LRRC53: variants seen among roughly 807,000 people sequenced by gnomAD.
The protein encoded by LRRC53 is leucine-rich repeat-containing protein 53.
LRRC53 carries 25 observed loss-of-function variants against 13.6 expected under a neutral mutation model. The observed-to-expected ratio is 1.83, with a 90% confidence interval of 1.34 to 2.56. The LOEUF (loss-of-function observed/expected upper bound fraction) is 2.56, where lower values mean the gene tolerates loss of function less well. LRRC53 is among the 30% of genes most tolerant of loss of function. The pLI, the probability that LRRC53 is intolerant of heterozygous loss-of-function variation, is 0.00. For missense variants in LRRC53, 527 were observed against 275.8 expected (o/e 1.91, Z -6.45); for synonymous variants, 204 against 109.8 (o/e 1.86, Z -5.37).
In LRRC53 at chr1:74,472,289, T is replaced by C. The variant is rs1047080955; in HGVS notation, c.1421-88A>G. On this transcript the variant is annotated intron_variant, in intron 4 of 4. Coordinates refer to ENST00000294635, the MANE Select transcript of LRRC53 (RefSeq NM_001382280.1). The stretch of plus-strand genomic sequence containing the variant: ...ATGCGTAGAAACCTTATGAAAAGTA[T>C]AAAACTGACTCCTCTGATAATTGCA... 3 of 649,250 alleles carry C rather than the reference T, an allele frequency of 4.6e-6. No individual in the cohort carries two copies. In the African/African-American group the frequency reaches 5.5e-5, roughly 12 times the overall value. 40.2% of individuals were successfully genotyped at this position (649,250 alleles called of 1,614,324 possible). A position where few individuals can be genotyped will look rare whatever the true frequency, so the allele number is the denominator to read the frequency against.
chr1:74,496,464 T>G (rs919355492), intron 1 of LRRC53, among the ~76,000 whole-genome samples: 1 of 152,192 alleles, frequency 6.6e-6, no homozygotes, highest in East Asian at 1.9e-4. Flanking sequence ...TCCCTACTAA[T>G]GTATGGATGT....
chr1:74,526,796 G>T, the LRRC53 span, among the ~76,000 whole-genome samples: 1 of 152,162 alleles, frequency 6.6e-6, no homozygotes, highest in East Asian at 1.9e-4. Flanking sequence ...AGAGCAACAC[G>T]TATAGGACTT....
chr1:74,495,041 C>T (rs142190705), intron 1 of LRRC53, among the ~76,000 whole-genome samples: 6 of 152,306 alleles, frequency 3.9e-5, no homozygotes, highest in Non-Finnish European at 7.4e-5. Flanking sequence ...TTTCAAAAAA[C>T]CTACATGCTG....
At chr1:74,503,524 A>C (rs185289312) in intron 1 of LRRC53, among the ~76,000 whole-genome samples, 149 of 152,234 alleles carry the variant, frequency 9.8e-4, no homozygotes, top group African/African-American at 3.3e-3. Context: ...AGTTCTATGG[A>C]TCTTGTATGT....
At chr1:74,513,385 T>G (rs1646295575), upstream of LRRC53, among the ~76,000 whole-genome samples, 1 of 152,006 alleles carries the variant, frequency 6.6e-6, no homozygotes, top group African/African-American at 2.4e-5. Flanking sequence ...GTAGTAGGAG[T>G]TGAGAACCTG....
chr1:74,510,322 T>C (rs1246895283), intron 1 of LRRC53, among the ~76,000 whole-genome samples: 1 of 151,902 alleles, frequency 6.6e-6, no homozygotes, highest in Non-Finnish European at 1.5e-5. Flanking sequence ...CTGGCTAACA[T>C]GGTGAAGCCC....
Position 74,480,646 on chromosome 1 carries a change from C to G in LRRC53, c.411G>C (p.Gln137His), listed in dbSNP as rs1403675200. 1 of 717,180 alleles carries G rather than the reference C, an allele frequency of 1.4e-6. No homozygotes were observed. Among genetic ancestry groups the G allele is most frequent in the African/African-American group, 1.7e-5 (1 of 57,264 alleles). 44.4% of individuals were successfully genotyped at this position (717,180 alleles called of 1,614,324 possible). ...GATTAGTAATCTGATTCCCATCCAG[C>G]TGGAGCCGGGTCAGGCCGCTTGTGT... ...FRNTSGLTRL[Q>H]LDGNQITNLT... The change falls in exon 3 of 5, where the codon CAG (glutamine) becomes CAC (histidine). Residue 137 changes from glutamine to histidine, a missense_variant. Gln to His is a conservative substitution (Grantham distance 24). Transcript: ENST00000294635.
At chr1:74,534,624 T>G in the LRRC53 span, among the ~76,000 whole-genome samples, 2 of 152,186 alleles carry the variant, frequency 1.3e-5, no homozygotes, top group South Asian at 4.1e-4. Flanking sequence ...TTTTCGTATT[T>G]CTTCTTGGGA....
intron 1 of LRRC53, among the ~76,000 whole-genome samples, chr1:74,505,192 G>A (rs1669831603): frequency 6.6e-6 from 1 of 152,118 alleles, no homozygotes; most frequent in Non-Finnish European, 1.5e-5. Context: ...AGTAAGACTT[G>A]GCCCAAAAAT....
the LRRC53 span, among the ~76,000 whole-genome samples, chr1:74,529,953 T>C: frequency 1.3e-5 from 2 of 152,126 alleles, no homozygotes; most frequent in East Asian, 3.9e-4. Flanking sequence ...AGTTTACCTG[T>C]ACATGCCTAT....
chr1:74,489,186 C>G lies in LRRC53; in HGVS notation c.-26-5811G>C, dbSNP rs778956963. 1 of 1,609,260 alleles carries G rather than the reference C, an allele frequency of 6.2e-7. No homozygotes were observed. The highest frequency in any genetic ancestry group is 2.2e-5 in the East Asian group (1 of 44,642). On this transcript the variant is annotated intron_variant, in intron 1 of 4. Transcript: ENST00000294635. ...GGAAAAAAGTTCTTTTTTCTATTTACAGGGAAGACCCGAATTTTCTGAAGT... is the reference window on the plus strand; with the variant it reads ...GGAAAAAAGTTCTTTTTTCTATTTAGAGGGAAGACCCGAATTTTCTGAAGT...
At chr1:74,490,913 T>A (rs45557534) in intron 1 of LRRC53, among the ~76,000 whole-genome samples, 4,261 of 152,256 alleles carry the variant, frequency 0.028, 182 homozygotes, top group African/African-American at 0.097. Flanking sequence ...AAGTATCAAA[T>A]GGTGGAGACC....
At chr1:74,514,309 A>G (rs929926575), upstream of LRRC53, among the ~76,000 whole-genome samples, 3 of 152,204 alleles carry the variant, frequency 2.0e-5, no homozygotes, top group Non-Finnish European at 4.4e-5. Flanking sequence ...GAGGCTTACA[A>G]GCTGACAAGC....
the LRRC53 span, among the ~76,000 whole-genome samples, chr1:74,529,511 T>C: frequency 6.6e-6 from 1 of 152,232 alleles, no homozygotes; most frequent in Non-Finnish European, 1.5e-5. Flanking sequence ...CTGCATGTGA[T>C]TCTGAATTAG....
chr1:74,534,050 G>A, the LRRC53 span, among the ~76,000 whole-genome samples: 1 of 152,112 alleles, frequency 6.6e-6, no homozygotes, highest in Non-Finnish European at 1.5e-5. Context: ...TTCCTTCCCA[G>A]ACACCCCACA....
chr1:74,510,627 C>A (rs1267233226), intron 1 of LRRC53, among the ~76,000 whole-genome samples: 1 of 152,236 alleles, frequency 6.6e-6, no homozygotes, highest in Non-Finnish European at 1.5e-5. Context: ...AAACTACCAA[C>A]TACCAGATCT....
At chr1:74,530,068 G>A in the LRRC53 span, among the ~76,000 whole-genome samples, 1 of 152,170 alleles carries the variant, frequency 6.6e-6, no homozygotes, top group South Asian at 2.1e-4. Context: ...GGCCTCAAGA[G>A]ATCCTACTGC....
chr1:74,531,627 T>C, the LRRC53 span, among the ~76,000 whole-genome samples: 1 of 152,214 alleles, frequency 6.6e-6, no homozygotes, highest in Non-Finnish European at 1.5e-5. Flanking sequence ...AGATTTATTA[T>C]CCTAGTGTAA....
At chr1:74,490,604 G>A (rs527318900) in intron 1 of LRRC53, among the ~76,000 whole-genome samples, 12 of 152,168 alleles carry the variant, frequency 7.9e-5, no homozygotes, top group Non-Finnish European at 1.0e-4. Context: ...AGAGTTTGCT[G>A]GACTGAGTTG....
Sources: gnomAD v4.1 joint callset for allele counts (sites outside exome capture counted in the v4.1 genomes callset) on GRCh38, gnomAD v4.1.1 for gene constraint, MANE v1.5 for transcripts, NCBI Gene and HGNC (gene_info 2026-07-23, HGNC 2026-07-21) for gene names.